PWWP3B: variants seen among roughly 807,000 people sequenced by gnomAD.
PWWP3B encodes PWWP domain containing 3B, also known as PWWP domain-containing DNA repair factor 3B.
PWWP3B carries 5 observed loss-of-function variants against 15.7 expected under a neutral mutation model. That is an observed-to-expected ratio of 0.32 (90% confidence interval 0.17 to 0.67). The LOEUF is 0.67. Ranked by LOEUF, PWWP3B falls within the 30% of genes least tolerant of loss-of-function variation. The pLI is 0.74. For synonymous variants in PWWP3B, 203 were observed against 179.8 expected, an observed-to-expected ratio of 1.13 and a Z score of -1.03; for missense variants, 519 against 493.1, an observed-to-expected ratio of 1.05 and a Z score of -0.50.
intron 2 of PWWP3B, among the ~76,000 whole-genome samples, chrX:106,185,177 A>T (rs993433843): frequency 4.5e-5 from 5 of 111,634 alleles, no homozygotes; most frequent in Middle Eastern, 4.6e-3. Flanking sequence ...TCAGACAGAG[A>T]ATATTGGGGA....
intron 2 of PWWP3B, among the ~76,000 whole-genome samples, chrX:106,191,383 A>G (rs1394332787): frequency 1.8e-5 from 2 of 111,597 alleles, no homozygotes; most frequent in African/African-American, 6.5e-5. Flanking sequence ...ATTTTTGTAC[A>G]TTGATTTTGT....
At chrX:106,190,662 GT>G (rs1357913748) in intron 2 of PWWP3B, among the ~76,000 whole-genome samples, 2 of 111,856 alleles carry the variant, frequency 1.8e-5, no homozygotes, top group African/African-American at 6.5e-5. Flanking sequence ...TTCTTCTAGG[GT>G]TTTTATGGTT....
chrX:106,171,927 A>G (rs1297456093), intron 2 of PWWP3B, among the ~76,000 whole-genome samples: 1 of 111,050 alleles, frequency 9.0e-6, no homozygotes, highest in Non-Finnish European at 1.9e-5. Context: ...TGCCTATTTT[A>G]CGATTAACAT....
chrX:106,195,582 C>T (rs183772138), intron 2 of PWWP3B, among the ~76,000 whole-genome samples: 28 of 111,396 alleles, frequency 2.5e-4, no homozygotes, highest in African/African-American at 7.5e-4. Flanking sequence ...TTGAAAAGAC[C>T]GCCATTTCTT....
At chrX:106,188,638 T>C (rs1922667913) in intron 2 of PWWP3B, among the ~76,000 whole-genome samples, 1 of 112,342 alleles carries the variant, frequency 8.9e-6, no homozygotes, top group Non-Finnish European at 1.9e-5. Context: ...TTTCCTTTAC[T>C]CCAAAATGTT....
At chrX:106,193,800 G>A (rs1044243499) in intron 2 of PWWP3B, among the ~76,000 whole-genome samples, 1 of 111,694 alleles carries the variant, frequency 9.0e-6, no homozygotes, top group Non-Finnish European at 1.9e-5. Context: ...CACTTGTGAA[G>A]CTTAGTTTGG....
intron 2 of PWWP3B, among the ~76,000 whole-genome samples, chrX:106,200,212 T>C (rs1286126186): frequency 1.8e-5 from 2 of 111,837 alleles, no homozygotes; most frequent in African/African-American, 3.3e-5. Flanking sequence ...AAGTAGATGG[T>C]AGAGCCACAG....
At chrX:106,198,339 TGAAATC>T (rs1923499599) in intron 2 of PWWP3B, among the ~76,000 whole-genome samples, 2 of 111,472 alleles carry the variant, frequency 1.8e-5, no homozygotes, top group Non-Finnish European at 3.8e-5. Context: ...GTCATATAAA[TGAAATC>T]ACAAGGTATT....
At chrX:106,175,476 A>G (rs1921854686) in intron 2 of PWWP3B, among the ~76,000 whole-genome samples, 2 of 109,641 alleles carry the variant, frequency 1.8e-5, no homozygotes, top group Admixed American at 9.6e-5. Context: ...TCCTGACCTC[A>G]TGATCTGCCC....
At chrX:106,198,137 A>C (rs755061346) in intron 2 of PWWP3B, among the ~76,000 whole-genome samples, 1 of 111,577 alleles carries the variant, frequency 9.0e-6, no homozygotes. Context: ...ACTATACTTG[A>C]CCATTTTTTG....
intron 2 of PWWP3B, among the ~76,000 whole-genome samples, chrX:106,194,008 A>G (rs1460338362): frequency 9.0e-6 from 1 of 111,065 alleles, no homozygotes; most frequent in East Asian, 2.8e-4. Context: ...TTAATCTGAC[A>G]ATTATGTGTC....
At position 106,179,830 on chromosome X, in the gene PWWP3B, A is replaced by T. The variant is rs186746348; in HGVS notation, c.-401+8691A>T. Among the ~76,000 whole-genome samples the T allele has an allele frequency of 3.5e-3, 393 of 112,424 alleles. 3 individuals are homozygous for T. The highest frequency in any genetic ancestry group is 0.012 in the African/African-American group (376 of 30,932). On this transcript the variant is annotated intron_variant, in intron 2 of 3. Transcript: ENST00000357175. ...TCTCGCTCAGTAGCCATAACATTTT[A>T]AATTAAAAGCCACAGATTCTAATGT...
rs1355983768 is a variant in PWWP3B, at chrX:106,206,042, G to A, written c.610G>A (p.Asp204Asn). 1 of 1,209,332 alleles carries A rather than the reference G, an allele frequency of 8.3e-7. No homozygotes were observed. The highest frequency in any genetic ancestry group is 1.8e-5 in the South Asian group (1 of 56,439). The part of the protein sequence containing the change: ...ETFPSLSEDN[D>N]EKENKNKIDI... ...TTTCCCTTCACTTTCGGAAGATAAT[G>A]ATGAAAAAGAGAACAAGAATAAGAT... Residue 204 changes from aspartate (D) to asparagine (N), a missense_variant, in exon 4 of 4, where the codon GAT (aspartate) becomes AAT (asparagine). By Grantham distance (23) the Asp-to-Asn change is conservative. Coordinates refer to ENST00000357175, the MANE Select transcript of PWWP3B (RefSeq NM_001171020.2).
chrX:106,184,157 A>G (rs1010163457), intron 2 of PWWP3B, among the ~76,000 whole-genome samples: 2 of 110,840 alleles, frequency 1.8e-5, no homozygotes, highest in Non-Finnish European at 1.9e-5. Flanking sequence ...CTTGGTCCCT[A>G]TTATAGAACA....
chrX:106,191,282 T>G (rs1292760599), intron 2 of PWWP3B, among the ~76,000 whole-genome samples: 1 of 110,048 alleles, frequency 9.1e-6, no homozygotes, highest in African/African-American at 3.3e-5. Flanking sequence ...GTTGGATTCC[T>G]AGGTATTTTA....
chrX:106,192,791 C>T (rs1923082404), intron 2 of PWWP3B, among the ~76,000 whole-genome samples: 1 of 110,859 alleles, frequency 9.0e-6, no homozygotes, highest in Admixed American at 9.6e-5. Flanking sequence ...GCCTTCATTT[C>T]ATTATGTACC....
chrX:106,203,483 G>A (rs1346893669), intron 2 of PWWP3B, among the ~76,000 whole-genome samples: 1 of 111,838 alleles, frequency 8.9e-6, no homozygotes, highest in Non-Finnish European at 1.9e-5. Context: ...AGCAGTTCTG[G>A]TTGTCATCAT....
At chrX:106,185,091 C>T (rs999975599) in intron 2 of PWWP3B, among the ~76,000 whole-genome samples, 1 of 111,754 alleles carries the variant, frequency 8.9e-6, no homozygotes, top group African/African-American at 3.3e-5. Context: ...TCCATTTGCC[C>T]TCCCTGTTAC....
chrX:106,187,849 C>T (rs974491680), intron 2 of PWWP3B, among the ~76,000 whole-genome samples: 13 of 111,706 alleles, frequency 1.2e-4, no homozygotes, highest in Non-Finnish European at 2.4e-4. Context: ...TTATATGGAC[C>T]TTATGCACTA....
Sources: gnomAD v4.1 joint callset for allele counts (sites outside exome capture counted in the v4.1 genomes callset) on GRCh38, gnomAD v4.1.1 for gene constraint, MANE v1.5 for transcripts, NCBI Gene and HGNC (gene_info 2026-07-23, HGNC 2026-07-21) for gene names.